RBFOX1: variants seen among roughly 807,000 people sequenced by gnomAD.
RBFOX1 encodes the protein RNA binding protein fox-1 homolog 1.
Under a neutral mutation model 57.7 loss-of-function variants are expected in RBFOX1, and 8 were observed. The ratio of observed to expected loss-of-function variants is 0.14; its 90% CI spans 0.08 to 0.25. The LOEUF is 0.25. RBFOX1 is among the 10% of genes least tolerant of loss of function. The pLI is 1.00. For synonymous variants in RBFOX1, 326 were observed against 222.4 expected, an observed-to-expected ratio of 1.47 and a Z score of -4.15; for missense variants, 611 against 548.5, an observed-to-expected ratio of 1.11 and a Z score of -1.14.
At chr16:6,961,719 A>G (rs1238208579) in intron 3 of RBFOX1, among the ~76,000 whole-genome samples, 1 of 152,086 alleles carries the variant, frequency 6.6e-6, no homozygotes, top group Non-Finnish European at 1.5e-5. Flanking sequence ...TCACCTTTAG[A>G]CCATATAGGG....
intron 4 of RBFOX1, among the ~76,000 whole-genome samples, chr16:7,383,941 C>T (rs905018207): frequency 2.0e-5 from 3 of 151,974 alleles, no homozygotes; most frequent in African/African-American, 7.2e-5. Flanking sequence ...GTAGTCCCAG[C>T]TACTTGGGAG....
At position 7,623,536 on chromosome 16, in the gene RBFOX1, C is replaced by T. The variant is rs76652519; in HGVS notation, c.677-7067C>T. Among the ~76,000 whole-genome samples, 1,357 of 152,192 alleles carry T rather than the reference C, an allele frequency of 8.9e-3. 11 individuals carry two copies. Among genetic ancestry groups the T allele is most frequent in the Non-Finnish European group, 0.014 (980 of 68,014 alleles). ...CTTTTATGAAAATCCAATGCTTCCA[C>T]TTATCTGACAGGAGGTGGAGCTCAG... On this transcript the variant is annotated intron_variant, in intron 10 of 15. Transcript: ENST00000550418.
At chr16:7,089,582 T>G (rs2060493633) in intron 4 of RBFOX1, among the ~76,000 whole-genome samples, 1 of 152,194 alleles carries the variant, frequency 6.6e-6, no homozygotes, top group Non-Finnish European at 1.5e-5. Context: ...TCACACTCTT[T>G]CTCTGAGTTG....
rs1206345505 is a variant in RBFOX1, at chr16:5,947,342, C to A, written c.351+80007C>A. Reference sequence around the variant, plus strand: ...TCGAATGGACACCTCTTTTTACAACCATGTGTTCTACATTGCAATGACAGA... The same window carrying A: ...TCGAATGGACACCTCTTTTTACAACAATGTGTTCTACATTGCAATGACAGA... On this transcript the variant is annotated intron_variant, in intron 4 of 19. Coordinates refer to the RBFOX1 transcript ENST00000641259. This position sits in a 1 kb window ranked among gnomAD's most constrained non-coding sequence, Gnocchi z 7.2. Among the ~76,000 whole-genome samples the A allele has an allele frequency of 1.3e-5, 2 of 152,120 alleles. No homozygotes were observed. Among genetic ancestry groups the A allele is most frequent in the African/African-American group, 4.8e-5 (2 of 41,430 alleles).
At chr16:7,285,877 C>T (rs944856656) in intron 4 of RBFOX1, among the ~76,000 whole-genome samples, 2 of 152,146 alleles carry the variant, frequency 1.3e-5, no homozygotes, top group African/African-American at 2.4e-5. Flanking sequence ...CACAAGATTC[C>T]ATTTCTCTGA....
At chr16:5,375,302 C>A (rs1186774113) in intron 1 of RBFOX1, among the ~76,000 whole-genome samples, 2 of 151,994 alleles carry the variant, frequency 1.3e-5, no homozygotes, top group Non-Finnish European at 2.9e-5. Context: ...AGGGAACCCA[C>A]CATAGGGAAA....
intron 4 of RBFOX1, among the ~76,000 whole-genome samples, chr16:5,900,148 G>A (rs1203671270): frequency 6.6e-6 from 1 of 152,136 alleles, no homozygotes; most frequent in Non-Finnish European, 1.5e-5. Flanking sequence ...ACCTTTGTTT[G>A]GGCAGTTTAT....
intron 1 of RBFOX1, among the ~76,000 whole-genome samples, chr16:6,237,429 C>G (rs2097513476): frequency 6.6e-6 from 1 of 152,160 alleles, no homozygotes; most frequent in African/African-American, 2.4e-5. Flanking sequence ...CAACGTGCCT[C>G]AGGTTACCTA....
intron 4 of RBFOX1, among the ~76,000 whole-genome samples, chr16:7,391,309 G>C (rs1185450718): frequency 6.6e-6 from 1 of 152,156 alleles, no homozygotes; most frequent in Non-Finnish European, 1.5e-5. Flanking sequence ...GCCCTGGTTT[G>C]TAAAAGAAGG....
chr16:6,994,273 C>T (rs753898172), intron 3 of RBFOX1, among the ~76,000 whole-genome samples: 1 of 152,232 alleles, frequency 6.6e-6, no homozygotes, highest in South Asian at 2.1e-4. Flanking sequence ...TGGAATTCTG[C>T]CTTCCGACTT....
chr16:6,350,437 G>C (rs2086124406), intron 2 of RBFOX1, among the ~76,000 whole-genome samples: 1 of 91,090 alleles, frequency 1.1e-5, no homozygotes. Context: ...GTGAAACTCT[G>C]TCTCAAGAAA....
At chr16:6,497,574 A>G (rs1047688810) in intron 2 of RBFOX1, among the ~76,000 whole-genome samples, 5 of 145,138 alleles carry the variant, frequency 3.4e-5, no homozygotes, top group African/African-American at 1.3e-4. Flanking sequence ...AAAAAAAAAA[A>G]AAACAGAGTT....
chr16:7,504,505 ACT>A (rs2072107182), intron 4 of RBFOX1, among the ~76,000 whole-genome samples: 1 of 149,366 alleles, frequency 6.7e-6, no homozygotes, highest in Non-Finnish European at 1.5e-5. Flanking sequence ...TTCCACCATA[ACT>A]CTCACAAATA....
chr16:5,327,786 A>C (rs1390368435), intron 1 of RBFOX1, among the ~76,000 whole-genome samples: 3 of 152,218 alleles, frequency 2.0e-5, no homozygotes, highest in African/African-American at 7.2e-5. Flanking sequence ...AATTACACAA[A>C]GATAATTTTC....
intron 4 of RBFOX1, among the ~76,000 whole-genome samples, chr16:5,936,815 A>C (rs1027405537): frequency 1.3e-5 from 2 of 152,200 alleles, no homozygotes; most frequent in East Asian, 3.9e-4. Flanking sequence ...TGCCAAGACA[A>C]GAGCGGCAAA....
intron 1 of RBFOX1, among the ~76,000 whole-genome samples, chr16:6,199,463 C>T (rs1025169675): frequency 1.3e-5 from 2 of 152,132 alleles, no homozygotes; most frequent in African/African-American, 4.8e-5. Flanking sequence ...CAGGATGAAT[C>T]AGTAGATCTA....
intron 1 of RBFOX1, among the ~76,000 whole-genome samples, chr16:5,415,048 C>A (rs2067125336): frequency 6.6e-6 from 1 of 152,076 alleles, no homozygotes; most frequent in South Asian, 2.1e-4. Flanking sequence ...TTTATCATTC[C>A]CATTTTACAG....
chr16:6,688,224 C>G (rs1182511502), intron 3 of RBFOX1, among the ~76,000 whole-genome samples: 1 of 151,272 alleles, frequency 6.6e-6, no homozygotes, highest in African/African-American at 2.4e-5. Context: ...GTGGCTAGAG[C>G]AGGAGGAAGA....
chr16:6,897,063 G>A lies in RBFOX1; in HGVS notation c.-15-154994G>A, dbSNP rs117506101. Among the ~76,000 whole-genome samples, 843 of 152,266 alleles carry A rather than the reference G, an allele frequency of 5.5e-3. 25 individuals are homozygous for A. Among genetic ancestry groups the A allele is most frequent in the Admixed American group, 0.04 (606 of 15,300 alleles). On this transcript the variant is annotated intron_variant, in intron 3 of 15. Coordinates refer to ENST00000550418, the MANE Select transcript of RBFOX1 (RefSeq NM_018723.4). The stretch of plus-strand genomic sequence containing the variant: ...CTGAGCTCTCCACACCTTCCTGAAT[G>A]CTGGCAGCACCTGAGGAAGGGAGCA...
Sources: allele counts gnomAD v4.1 joint callset (sites outside exome capture counted in the v4.1 genomes callset), GRCh38; gene constraint gnomAD v4.1.1; non-coding constraint Gnocchi (gnomAD v3.1); transcripts MANE v1.5; gene names NCBI Gene and HGNC (gene_info 2026-07-23, HGNC 2026-07-21).